The following KHDRBS2 variants were observed in gnomAD, a reference collection of about 807,000 sequenced individuals.
KHDRBS2 encodes the protein KH domain-containing, RNA-binding, signal transduction-associated protein 2.
In KHDRBS2, 26 loss-of-function variants were observed where a neutral mutation model predicts 44.3. The observed-to-expected ratio is 0.59, with a 90% CI of 0.43 to 0.81. The LOEUF is 0.81. KHDRBS2 is among the 40% of genes least tolerant of loss of function. The pLI, the probability that KHDRBS2 is intolerant of heterozygous loss-of-function variation, is 0.00. For synonymous variants in KHDRBS2, 194 were observed against 151.1 expected, an observed-to-expected ratio of 1.28 and a Z score of -2.08; for missense variants, 476 against 433.1, an observed-to-expected ratio of 1.10 and a Z score of -0.88.
intron 1 of KHDRBS2, among the ~76,000 whole-genome samples, chr6:62,278,890 T>G (rs941785844): frequency 6.6e-6 from 1 of 151,782 alleles, no homozygotes; most frequent in Non-Finnish European, 1.5e-5. Flanking sequence ...GTCAGGAGAT[T>G]GAGACCATCC....
intron 2 of KHDRBS2, among the ~76,000 whole-genome samples, chr6:62,101,277 A>G (rs1801840058): frequency 6.6e-6 from 1 of 152,114 alleles, no homozygotes. Context: ...ATTACAAGAT[A>G]TCAACATCCA....
intron 6 of KHDRBS2, among the ~76,000 whole-genome samples, chr6:61,739,252 C>T (rs140921064): frequency 7.4e-4 from 113 of 151,920 alleles, no homozygotes; most frequent in African/African-American, 2.6e-3. Flanking sequence ...TTATCTGATT[C>T]AGCAATGATG....
At chr6:61,690,867 T>A (rs772612697) in intron 8 of KHDRBS2, among the ~76,000 whole-genome samples, 27 of 152,026 alleles carry the variant, frequency 1.8e-4, no homozygotes, top group Non-Finnish European at 3.7e-4. Flanking sequence ...CTTATTACTG[T>A]AAGAGAAATT....
Position 62,244,160 on chromosome 6 carries a change from C to T in KHDRBS2, c.91+41698G>A, listed in dbSNP as rs116417150. ...TTTATGTAGGGTTTTTGTATCTAAA[C>T]GTACACGTGAAACTATTATATTTTT... On this transcript the variant is annotated intron_variant, in intron 1 of 8. Transcript: ENST00000281156. 2.5e-3 allele frequency among the ~76,000 whole-genome samples: 386 copies of T among 152,220 alleles called. 3 individuals carry two copies. Among genetic ancestry groups the T allele is most frequent in the African/African-American group, 8.4e-3 (351 of 41,544 alleles).
intron 1 of KHDRBS2, among the ~76,000 whole-genome samples, chr6:62,259,997 C>T (rs984741101): frequency 6.6e-6 from 1 of 151,928 alleles, no homozygotes; most frequent in Non-Finnish European, 1.5e-5. Flanking sequence ...GGCTATATGA[C>T]GAGGATCTTC....
At chr6:61,791,532 A>G in intron 6 of KHDRBS2, among the ~76,000 whole-genome samples, 1 of 151,544 alleles carries the variant, frequency 6.6e-6, no homozygotes, top group East Asian at 1.9e-4. Flanking sequence ...AGATTAAATT[A>G]ATTGAGATCA....
chr6:62,200,597 G>A (rs554434277), intron 1 of KHDRBS2, among the ~76,000 whole-genome samples: 1 of 152,330 alleles, frequency 6.6e-6, no homozygotes, highest in South Asian at 2.1e-4. Context: ...AGGTGCTGGA[G>A]AGGATGTGGA....
chr6:62,210,655 T>C (rs1248056142), intron 1 of KHDRBS2, among the ~76,000 whole-genome samples: 5 of 152,198 alleles, frequency 3.3e-5, no homozygotes, highest in African/African-American at 7.2e-5. Context: ...TTATTCCTTT[T>C]CTATAAATAT....
At chr6:62,132,322 A>T (rs1044301661) in intron 2 of KHDRBS2, among the ~76,000 whole-genome samples, 1 of 152,204 alleles carries the variant, frequency 6.6e-6, no homozygotes, top group African/African-American at 2.4e-5. Flanking sequence ...TTCATCACTG[A>T]GTAAATACCT....
At chr6:61,720,692 G>A (rs139395112) in intron 7 of KHDRBS2, among the ~76,000 whole-genome samples, 3,775 of 152,226 alleles carry the variant, frequency 0.025, 75 homozygotes, top group Middle Eastern at 0.082. Context: ...TTTGTTAGAC[G>A]AGTAGGTTGC....
chr6:62,012,961 G>C (rs1780568632), intron 3 of KHDRBS2, among the ~76,000 whole-genome samples: 1 of 152,168 alleles, frequency 6.6e-6, no homozygotes, highest in Non-Finnish European at 1.5e-5. Context: ...CCAGCAACTA[G>C]GAAATGAACA....
At chr6:61,908,512 T>C (rs796957421) in intron 4 of KHDRBS2, among the ~76,000 whole-genome samples, 2 of 151,552 alleles carry the variant, frequency 1.3e-5, no homozygotes, top group South Asian at 2.1e-4. Context: ...TGAGCGCCTG[T>C]AGTTCCAGCT....
chr6:61,596,049 C>G, the KHDRBS2 span, among the ~76,000 whole-genome samples: 1 of 152,182 alleles, frequency 6.6e-6, no homozygotes, highest in South Asian at 2.1e-4. Context: ...GAGCTCAGAA[C>G]AGAAGACAGA....
chr6:62,209,850 T>C (rs1828720368), intron 1 of KHDRBS2, among the ~76,000 whole-genome samples: 1 of 152,188 alleles, frequency 6.6e-6, no homozygotes, highest in Non-Finnish European at 1.5e-5. Context: ...CTTTAGCTTT[T>C]GGACTCTTGA....
chr6:61,628,048 C>A, the KHDRBS2 span, among the ~76,000 whole-genome samples: 1 of 151,892 alleles, frequency 6.6e-6, no homozygotes, highest in African/African-American at 2.4e-5. Flanking sequence ...AACTGCATTG[C>A]ATATTCTTTA....
intron 2 of KHDRBS2, among the ~76,000 whole-genome samples, chr6:62,128,667 T>C (rs1809537346): frequency 1.1e-5 from 1 of 93,742 alleles, no homozygotes; most frequent in African/African-American, 3.9e-5. Flanking sequence ...TCAACTGCTT[T>C]AATTTTTTTT....
At chr6:61,623,102 T>A in the KHDRBS2 span, among the ~76,000 whole-genome samples, 1 of 152,064 alleles carries the variant, frequency 6.6e-6, no homozygotes, top group Admixed American at 6.5e-5. Flanking sequence ...GAGGGGGCTG[T>A]TTTACATTTA....
In KHDRBS2 at chr6:62,077,335, G is replaced by A. The variant is rs1264410420; in HGVS notation, c.220-29341C>T. Among the ~76,000 whole-genome samples the A allele has an allele frequency of 2.6e-5, 4 of 152,098 alleles. No individual in the cohort carries two copies. In the East Asian group the frequency reaches 7.8e-4, roughly 30 times the overall value. Reference sequence around the variant, plus strand: ...ATTGCCTGCCAGGCCTTATGGGGATGGGAGGGAAGCTGCCCTTCCCACATC... The same window carrying A: ...ATTGCCTGCCAGGCCTTATGGGGATAGGAGGGAAGCTGCCCTTCCCACATC... On this transcript the variant is annotated intron_variant, in intron 2 of 8. Transcript: ENST00000281156.
At chr6:62,037,546 C>A (rs1785544649) in intron 3 of KHDRBS2, among the ~76,000 whole-genome samples, 1 of 151,636 alleles carries the variant, frequency 6.6e-6, no homozygotes, top group South Asian at 2.1e-4. Context: ...GCAAAACACC[C>A]AAAAACGAAG....
Sources: allele counts gnomAD v4.1 joint callset (sites outside exome capture counted in the v4.1 genomes callset), GRCh38; gene constraint gnomAD v4.1.1; transcripts MANE v1.5; gene names NCBI Gene and HGNC (gene_info 2026-07-23, HGNC 2026-07-21).